DMD: variants seen among roughly 807,000 people sequenced by gnomAD.
DMD encodes dystrophin.
Under a neutral mutation model 330.1 loss-of-function variants are expected in DMD, and 63 were observed. The observed-to-expected ratio is 0.19, with a 90% CI of 0.16 to 0.24. DMD has a LOEUF of 0.24. Ranked by LOEUF, DMD falls within the 10% of genes least tolerant of loss-of-function variation. The pLI, the probability that DMD is intolerant of heterozygous loss-of-function variation, is 1.00. For missense variants in DMD, 3,344 were observed against 2,684.1 expected, an observed-to-expected ratio of 1.25 and a Z score of -5.43; for synonymous variants, 1,223 against 959.8, an observed-to-expected ratio of 1.27 and a Z score of -5.07.
intron 40 of DMD, chrX:32,342,650 T>C (rs1603631233): frequency 7.6e-6 from 2 of 263,228 alleles, no homozygotes; most frequent in Admixed American, 1.2e-4. Context: ...AAGTTATTTA[T>C]TTCCTTTTTA....
intron 62 of DMD, among the ~76,000 whole-genome samples, chrX:31,269,465 A>G (rs1047302011): frequency 1.8e-5 from 2 of 111,443 alleles, no homozygotes; most frequent in African/African-American, 6.5e-5. Context: ...GCCATGACCT[A>G]CTTGTTCCCA....
chrX:31,831,955 A>C (rs2093056736), intron 49 of DMD, among the ~76,000 whole-genome samples: 1 of 112,885 alleles, frequency 8.9e-6, no homozygotes, highest in African/African-American at 3.2e-5. Flanking sequence ...CTTATAAATT[A>C]TTAAATGCCT....
intron 60 of DMD, among the ~76,000 whole-genome samples, chrX:31,371,709 G>A (rs779578252): frequency 9.0e-6 from 1 of 111,647 alleles, no homozygotes; most frequent in Non-Finnish European, 1.9e-5. Flanking sequence ...AAGATTTGGA[G>A]ACTTTCCTCA....
At chrX:31,579,543 T>C (rs1373008244) in intron 55 of DMD, among the ~76,000 whole-genome samples, 1 of 112,162 alleles carries the variant, frequency 8.9e-6, no homozygotes, top group African/African-American at 3.2e-5. Flanking sequence ...CAATTTACCA[T>C]GTTACACAGA....
intron 20 of DMD, among the ~76,000 whole-genome samples, chrX:32,489,953 G>A (rs982354334): frequency 8.9e-6 from 1 of 111,926 alleles, no homozygotes; most frequent in Non-Finnish European, 1.9e-5. Flanking sequence ...TTATCCAAAA[G>A]TATACTTTCT....
chrX:32,690,579 C>A (rs2063205658), intron 9 of DMD, among the ~76,000 whole-genome samples: 1 of 111,241 alleles, frequency 9.0e-6, no homozygotes, highest in Non-Finnish European at 1.9e-5. Context: ...TATCACACTT[C>A]CTGATTTCAA....
At chrX:31,184,880 C>G (rs1415536084) in intron 67 of DMD, among the ~76,000 whole-genome samples, 7 of 92,642 alleles carry the variant, frequency 7.6e-5, no homozygotes, top group South Asian at 6.0e-4. Context: ...AACCAAACAC[C>G]GCATGTTCTC....
At chrX:31,186,016 GTTTCCTA>G (rs1231593609) in intron 67 of DMD, among the ~76,000 whole-genome samples, 8 of 111,819 alleles carry the variant, frequency 7.2e-5, no homozygotes, top group African/African-American at 2.6e-4. Flanking sequence ...TTGTAATGTG[GTTTCCTA>G]ATAAAGGACA....
rs142767237 is a variant in DMD at position 31,681,480 on chromosome X, C to G, written c.7661-1894G>C. On this transcript the variant is annotated intron_variant, in intron 52 of 78. Transcript: ENST00000357033. ...ACCTTTTGTCAAAGGACATAGTCAG[C>G]CTGTGGCAACCTCAAAGGGAGGGAA... is the stretch of plus-strand genomic sequence containing the variant. Among the ~76,000 whole-genome samples, 143 of 112,069 alleles carry G rather than the reference C, an allele frequency of 1.3e-3. 1 individual carries two copies. The East Asian group carries it at 0.039, about 31-fold the overall frequency.
chrX:33,145,156 T>G (rs2148602158), intron 1 of DMD, among the ~76,000 whole-genome samples: 1 of 112,426 alleles, frequency 8.9e-6, no homozygotes, highest in South Asian at 3.7e-4. Context: ...TTATTTCATA[T>G]ATGAGAAAAC....
rs146573455 is a variant in DMD, at chrX:32,187,593, A to G, written c.6438+29323T>C. On this transcript the variant is annotated intron_variant, in intron 44 of 78. Coordinates refer to ENST00000357033, the MANE Select transcript of DMD (RefSeq NM_004006.3). ...AACTGCAACCAAGTTAGTTTCTGCT[A>G]TTGAAACAAAATGTGAAGCTCATGG... 5.3e-4 allele frequency among the ~76,000 whole-genome samples: 59 copies of G among 112,014 alleles called. 1 individual carries two copies. The East Asian group carries it at 0.015, about 28-fold the overall frequency.
chrX:32,853,470 T>A (rs2081294559), intron 2 of DMD, among the ~76,000 whole-genome samples: 1 of 111,694 alleles, frequency 9.0e-6, no homozygotes, highest in Non-Finnish European at 1.9e-5. Context: ...GTTTGAGTTT[T>A]TAATTAGTTT....
At chrX:32,663,780 T>A (rs1012868778) in intron 9 of DMD, among the ~76,000 whole-genome samples, 1 of 110,985 alleles carries the variant, frequency 9.0e-6, no homozygotes, top group Non-Finnish European at 1.9e-5. Context: ...GGAAGGGGAA[T>A]TGAAAGTACT....
At chrX:32,341,707 T>C (rs747734491) in intron 41 of DMD, among the ~76,000 whole-genome samples, 76 of 111,841 alleles carry the variant, frequency 6.8e-4, no homozygotes, top group Non-Finnish European at 7.3e-4. Context: ...TTATCATGTA[T>C]ACATTAAGAA....
At chrX:31,954,595 A>T (rs1431421889) in intron 45 of DMD, among the ~76,000 whole-genome samples, 1 of 111,025 alleles carries the variant, frequency 9.0e-6, no homozygotes, top group Admixed American at 9.7e-5. Flanking sequence ...AGCAACGTGG[A>T]TAGAACTGGA....
intron 2 of DMD, among the ~76,000 whole-genome samples, chrX:32,946,990 T>G (rs1216667020): frequency 8.9e-6 from 1 of 112,244 alleles, no homozygotes; most frequent in African/African-American, 3.2e-5. Flanking sequence ...TGGGAAAGGG[T>G]GTTTCTAAGA....
At chrX:32,720,503 G>A (rs1013584429) in intron 7 of DMD, among the ~76,000 whole-genome samples, 3 of 111,566 alleles carry the variant, frequency 2.7e-5, no homozygotes, top group African/African-American at 9.7e-5. Context: ...TTTTTTTAAC[G>A]CCTTTTTAGA....
intron 42 of DMD, among the ~76,000 whole-genome samples, chrX:32,299,504 C>T (rs1397215893): frequency 1.2e-5 from 1 of 85,097 alleles, no homozygotes; most frequent in Non-Finnish European, 2.3e-5. Flanking sequence ...CAGACACATC[C>T]TTCTGATACA....
chrX:32,272,147 A>G (rs1368721714), intron 43 of DMD, among the ~76,000 whole-genome samples: 2 of 112,245 alleles, frequency 1.8e-5, no homozygotes, highest in African/African-American at 6.5e-5. Flanking sequence ...TATGTAAGAC[A>G]TATAAACTCA....
Sources: gnomAD v4.1 joint callset for allele counts (sites outside exome capture counted in the v4.1 genomes callset) on GRCh38, gnomAD v4.1.1 for gene constraint, MANE v1.5 for transcripts, NCBI Gene and HGNC (gene_info 2026-07-23, HGNC 2026-07-21) for gene names.